ST3GAL3: variants seen among roughly 807,000 people sequenced by gnomAD.
The protein encoded by ST3GAL3 is ST3 beta-galactoside alpha-2,3-sialyltransferase 3.
In ST3GAL3, 21 loss-of-function variants were observed where a neutral mutation model predicts 50.1. The ratio of observed to expected loss-of-function variants is 0.42; its 90% CI spans 0.30 to 0.60. ST3GAL3 has a LOEUF of 0.60. Ranked by LOEUF, ST3GAL3 falls within the 20% of genes least tolerant of loss-of-function variation. The pLI is 0.19. For missense variants in ST3GAL3, 353 were observed against 489.4 expected (o/e 0.72, Z 2.63); for synonymous variants, 183 against 190.0 (o/e 0.96, Z 0.30).
chr1:43,808,268 C>T (rs982192681), intron 3 of ST3GAL3, among the ~76,000 whole-genome samples: 3 of 146,710 alleles, frequency 2.0e-5, no homozygotes, highest in Admixed American at 1.4e-4. Flanking sequence ...CACGCCACTG[C>T]ACTCCAGCCC....
intron 2 of ST3GAL3, among the ~76,000 whole-genome samples, chr1:43,750,340 C>A (rs371414951): frequency 3.3e-5 from 5 of 152,256 alleles, no homozygotes; most frequent in East Asian, 1.9e-4. Context: ...AAATGAAAAC[C>A]TTTGCCTACA....
In ST3GAL3 at chr1:43,878,086, C is replaced by T. The variant is rs535954005; in HGVS notation, c.303-16297C>T. 4.6e-5 allele frequency among the ~76,000 whole-genome samples: 7 copies of T among 152,280 alleles called. No individual in the cohort carries two copies. The East Asian group carries it at 1.2e-3, about 25-fold the overall frequency. On this transcript the variant is annotated intron_variant, in intron 5 of 11. Coordinates refer to ENST00000347631, the MANE Select transcript of ST3GAL3 (RefSeq NM_006279.5). ...CAGGGCTGGGCTCCCTCCAGATGCTCTAGGTCATATCCGTCTCTCGCCTCT... is the reference window on the plus strand; with the variant it reads ...CAGGGCTGGGCTCCCTCCAGATGCTTTAGGTCATATCCGTCTCTCGCCTCT...
intron 3 of ST3GAL3, 115 bp downstream of exon 3, chr1:43,792,264 G>A: frequency 7.3e-7 from 1 of 1,361,654 alleles, no homozygotes; most frequent in Admixed American, 1.7e-5. Context: ...CCCAGAATTG[G>A]GGGAAGTCTC....
chr1:43,913,815 C>T (rs1221238932), intron 9 of ST3GAL3: 1 of 152,238 alleles, frequency 6.6e-6, no homozygotes, highest in Non-Finnish European at 1.5e-5. Flanking sequence ...CAACATGACT[C>T]TCAGCCGCTG....
rs561148030 is a variant in ST3GAL3 at position 43,757,209 on chromosome 1, A to G, written c.118+20829A>G. Among the ~76,000 whole-genome samples the G allele has an allele frequency of 6.6e-5, 10 of 152,212 alleles. No homozygotes were observed. The South Asian group carries it at 1.7e-3, about 25-fold the overall frequency. ...CATGAAGCACCGCACCTGGCCCCCA[A>G]TGTGTTTTAAAATGCAGCACATTCT... is the stretch of plus-strand genomic sequence containing the variant. On this transcript the variant is annotated intron_variant, in intron 2 of 11. Transcript: ENST00000347631.
intron 5 of ST3GAL3, among the ~76,000 whole-genome samples, chr1:43,869,019 C>T (rs1266951384): frequency 1.3e-5 from 2 of 152,168 alleles, no homozygotes; most frequent in Non-Finnish European, 2.9e-5. Context: ...GCTGGATCTG[C>T]TGCCTCTTTG....
Position 43,736,311 on chromosome 1 carries a change from T to C in ST3GAL3, c.49T>C (p.Phe17Leu), listed in dbSNP as rs1678413547. 1.2e-6 allele frequency: 2 copies of C among 1,614,078 alleles called. No homozygotes were observed. Among genetic ancestry groups the C allele is most frequent in the South Asian group, 1.1e-5 (1 of 91,084 alleles). Reference sequence around the variant, plus strand: ...CAATCTGCTGCTAGCCCTCTGCCTCTTTCTGGTACTGGGATTTTTGTATTA... The same window carrying C: ...CAATCTGCTGCTAGCCCTCTGCCTCCTTCTGGTACTGGGATTTTTGTATTA... ...VRNLLLALCL[F>L]LVLGFLYYSA... The change falls in exon 2 of 12, where the codon TTT becomes CTT. Residue 17 changes from phenylalanine (F) to leucine (L), a missense_variant. Physicochemically the swap from Phe to Leu is conservative, Grantham distance 22. Coordinates refer to ENST00000347631, the MANE Select transcript of ST3GAL3 (RefSeq NM_006279.5).
At chr1:43,749,528 G>A (rs1318551678) in intron 2 of ST3GAL3, among the ~76,000 whole-genome samples, 1 of 152,092 alleles carries the variant, frequency 6.6e-6, no homozygotes, top group African/African-American at 2.4e-5. Context: ...CTTGAGCCCA[G>A]GAGTTCAAGA....
intron 6 of ST3GAL3, among the ~76,000 whole-genome samples, chr1:43,897,250 T>G (rs1303232395): frequency 2.0e-5 from 3 of 152,232 alleles, no homozygotes; most frequent in African/African-American, 7.2e-5. Flanking sequence ...CTGCACATCT[T>G]CGTGGTTATT....
chr1:43,906,440 C>T lies in ST3GAL3; in HGVS notation c.744+6713C>T, dbSNP rs193002338. Among the ~76,000 whole-genome samples, 23 of 138,240 alleles carry T rather than the reference C, an allele frequency of 1.7e-4. No individual in the cohort carries two copies. In the East Asian group the frequency reaches 5.0e-3, roughly 30 times the overall value. 90.7% of individuals were successfully genotyped at this position (138,240 alleles called of 152,430 possible). On this transcript the variant is annotated intron_variant, in intron 9 of 11. Transcript: ENST00000347631. Reference sequence around the variant, plus strand: ...GTTCCTCTTCCCACCACTCTTCCCCCTCCTCCTCCTGCTCCTCTCCCACCA... The same window carrying T: ...GTTCCTCTTCCCACCACTCTTCCCCTTCCTCCTCCTGCTCCTCTCCCACCA...
intron 2 of ST3GAL3, among the ~76,000 whole-genome samples, chr1:43,754,372 A>G (rs969885112): frequency 1.3e-5 from 2 of 152,122 alleles, no homozygotes; most frequent in Non-Finnish European, 2.9e-5. Context: ...TTTGTATTTT[A>G]GTAGAGACGA....
At chr1:43,892,976 GGGGTGGTA>G (rs1205918903) in intron 5 of ST3GAL3, among the ~76,000 whole-genome samples, 2 of 152,148 alleles carry the variant, frequency 1.3e-5, no homozygotes, top group African/African-American at 4.8e-5. Context: ...CCTTTTACAT[GGGGTGGTA>G]GTGGGAGTGC....
chr1:43,806,455 G>A (rs557650896), intron 3 of ST3GAL3, among the ~76,000 whole-genome samples: 1 of 152,160 alleles, frequency 6.6e-6, no homozygotes, highest in East Asian at 1.9e-4. Context: ...GATAGGGAGG[G>A]GAACAGGGTC....
chr1:43,910,808 G>A (rs964297883), intron 9 of ST3GAL3, among the ~76,000 whole-genome samples: 2 of 152,210 alleles, frequency 1.3e-5, no homozygotes, highest in African/African-American at 4.8e-5. Context: ...TGTGGCATGG[G>A]CATGGTACTG....
chr1:43,781,325 G>A (rs1362547312), intron 2 of ST3GAL3, among the ~76,000 whole-genome samples: 1 of 152,110 alleles, frequency 6.6e-6, no homozygotes, highest in Non-Finnish European at 1.5e-5. Flanking sequence ...TATATTTTTA[G>A]GCCAGGCACA....
intron 5 of ST3GAL3, among the ~76,000 whole-genome samples, chr1:43,870,565 G>A (rs1362793097): frequency 1.3e-5 from 2 of 151,930 alleles, no homozygotes; most frequent in Non-Finnish European, 2.9e-5. Context: ...GAAACCCAAG[G>A]GAGGCAAGGC....
intron 4 of ST3GAL3, among the ~76,000 whole-genome samples, chr1:43,836,111 A>C (rs2064290560): frequency 6.6e-6 from 1 of 152,166 alleles, no homozygotes; most frequent in African/African-American, 2.4e-5. Context: ...AATTCATAGC[A>C]CCAACTCACA....
intron 2 of ST3GAL3, among the ~76,000 whole-genome samples, chr1:43,749,756 C>A (rs1454795122): frequency 6.6e-6 from 1 of 152,176 alleles, no homozygotes; most frequent in Non-Finnish European, 1.5e-5. Flanking sequence ...AGATGGGACC[C>A]TTTGGGAAGT....
chr1:43,930,327 C>T lies in ST3GAL3; in HGVS notation c.*106C>T. On this transcript the variant is annotated 3_prime_UTR_variant, in exon 12 of 12. Coordinates refer to ENST00000347631, the MANE Select transcript of ST3GAL3 (RefSeq NM_006279.5). ...CCAGAGAAGGACGGTGCCAAGGGCC[C>T]CAGGGGCAGCAAGGCCTTGGTGGAG... 8.9e-7 allele frequency: 1 copy of T among 1,126,660 alleles called. No individual in the cohort carries two copies. The highest frequency in any genetic ancestry group is 1.3e-6 in the Non-Finnish European group (1 of 748,872). 69.8% of individuals were successfully genotyped at this position (1,126,660 alleles called of 1,614,324 possible).
Sources: allele counts gnomAD v4.1 joint callset (sites outside exome capture counted in the v4.1 genomes callset), GRCh38; gene constraint gnomAD v4.1.1; transcripts MANE v1.5; gene names NCBI Gene and HGNC (gene_info 2026-07-23, HGNC 2026-07-21).